GGA2: variants seen among roughly 807,000 people sequenced by gnomAD.
GGA2 encodes the protein golgi associated, gamma adaptin ear containing, ARF binding protein 2.
A neutral mutation model predicts 79.5 loss-of-function variants in GGA2; 48 were observed. The observed-to-expected ratio is 0.60, with a 90% CI of 0.48 to 0.77. The LOEUF is 0.77. GGA2 is among the 30% of genes least tolerant of loss of function. The probability of loss-of-function intolerance (pLI) is 0.00; values close to 1 mark genes in which losing one functional copy is unlikely to be tolerated. For missense variants in GGA2, 770 were observed against 774.0 expected (o/e 0.99, Z 0.06); for synonymous variants, 317 against 302.0 (o/e 1.05, Z -0.51).
At chr16:23,523,134 C>G, upstream of GGA2, 1 of 152,254 alleles carries the variant, frequency 6.6e-6, no homozygotes, top group Admixed American at 6.5e-5. Flanking sequence ...AGGAACCACA[C>G]AAGGGTGTGA....
upstream of GGA2, among the ~76,000 whole-genome samples, chr16:23,514,309 T>A (rs942741093): frequency 6.6e-6 from 1 of 152,084 alleles, no homozygotes; most frequent in African/African-American, 2.4e-5. Context: ...GATTTCACCA[T>A]GTTGGCCAAG....
intron 15 of GGA2, 69 bp from the exon 16 acceptor site, chr16:23,469,065 G>A: frequency 2.0e-6 from 2 of 996,626 alleles, no homozygotes; most frequent in South Asian, 2.6e-5. Flanking sequence ...GATCAGGTGA[G>A]GGGGAGCTGG....
At chr16:23,474,435 G>A (rs1964550964) in intron 14 of GGA2, among the ~76,000 whole-genome samples, 1 of 151,856 alleles carries the variant, frequency 6.6e-6, no homozygotes, top group South Asian at 2.1e-4. Flanking sequence ...TTGGCTCACT[G>A]CAACCTCCAC....
Position 23,480,666 on chromosome 16 carries a change from C to T in GGA2, c.985G>A (p.Gly329Arg). Residue 329 changes from glycine (G) to arginine (R), a missense_variant, in exon 10 of 17, where the codon GGA (glycine) becomes AGA (arginine). By Grantham distance (125) the Gly-to-Arg change is moderately radical. Coordinates refer to ENST00000309859, the MANE Select transcript of GGA2 (RefSeq NM_015044.4). ...ATACCTCTGGAGACAGGGATGTCTC[C>T]CAATGAGCTGGTCACTCTGTTTCCA... The part of the protein sequence containing the change: ...TFGNRVTSSL[G>R]DIPVSRVFQN... 6.2e-7 allele frequency: 1 copy of T among 1,613,408 alleles called. No individual in the cohort carries two copies. The highest frequency in any genetic ancestry group is 8.5e-7 in the Non-Finnish European group (1 of 1,179,366).
rs1284417046 is a variant in GGA2 at position 23,463,631 on chromosome 16, T to G, written c.*3959A>C. 3 of 152,216 alleles carry G rather than the reference T, an allele frequency of 2.0e-5. No homozygotes were observed. The highest frequency in any genetic ancestry group is 7.2e-5 in the African/African-American group (3 of 41,442). The allele number at this position is 152,216 out of a possible 1,614,324, so 9.4% of individuals were successfully genotyped here. A position where few individuals can be genotyped will look rare whatever the true frequency, so the allele number is the denominator to read the frequency against. On this transcript the variant is annotated 3_prime_UTR_variant, in exon 17 of 17. Coordinates refer to ENST00000309859, the MANE Select transcript of GGA2 (RefSeq NM_015044.4). ...ATCTATAATTCCCTGACCCAAAGATTACCACTGTCAGATGTGCACACAAAC... is the reference window on the plus strand; with the variant it reads ...ATCTATAATTCCCTGACCCAAAGATGACCACTGTCAGATGTGCACACAAAC...
intron 13 of GGA2, 152 bp from the exon 14 acceptor site, chr16:23,475,213 A>G: frequency 2.0e-6 from 1 of 494,788 alleles, no homozygotes; most frequent in Non-Finnish European, 3.5e-6. Context: ...TTTTTGATAC[A>G]GTATCTCGCT....
rs1237086850 is a variant in GGA2, at chr16:23,490,415, A to C, written c.475+1262T>G. Among the ~76,000 whole-genome samples the C allele has an allele frequency of 3.9e-5, 6 of 152,196 alleles. No homozygotes were observed. The East Asian group carries it at 7.7e-4, about 20-fold the overall frequency. ...CAAAATATCACATTGTACTCCAATA[A>C]ATGTGTATAAGTATGTGTCAATTAA... On this transcript the variant is annotated intron_variant, in intron 5 of 16. Transcript: ENST00000309859.
At chr16:23,472,244 A>C (rs1245912346) in intron 14 of GGA2, among the ~76,000 whole-genome samples, 1 of 119,436 alleles carries the variant, frequency 8.4e-6, no homozygotes, top group Non-Finnish European at 1.6e-5. Context: ...CCCAGGCTGG[A>C]GTGCAGTGGC....
At chr16:23,485,662 G>A (rs1042891125) in intron 8 of GGA2, among the ~76,000 whole-genome samples, 1 of 152,172 alleles carries the variant, frequency 6.6e-6, no homozygotes, top group Non-Finnish European at 1.5e-5. Flanking sequence ...CAGGTGACGG[G>A]ACAGTACCCG....
chr16:23,465,194 C>G lies in GGA2; in HGVS notation c.*2396G>C. On this transcript the variant is annotated 3_prime_UTR_variant, in exon 17 of 17. Coordinates refer to ENST00000309859, the MANE Select transcript of GGA2 (RefSeq NM_015044.4). The stretch of plus-strand genomic sequence containing the variant: ...AGAGACACGGTCTCACTATGTAGCC[C>G]AGGCTGGACTTGAAATCCTGGGCTC... 1.6e-6 allele frequency: 1 copy of G among 625,412 alleles called. No homozygotes were observed. Among genetic ancestry groups the G allele is most frequent in the Non-Finnish European group, 2.9e-6 (1 of 348,872 alleles). The allele number at this position is 625,412 out of a possible 1,614,324, so 38.7% of individuals were successfully genotyped here. A position where few individuals can be genotyped will look rare whatever the true frequency, so the allele number is the denominator to read the frequency against.
At chr16:23,512,700 CTTTTTTTTTTTTTTTTTTT>C (rs34027000), upstream of GGA2, among the ~76,000 whole-genome samples, 2 of 55,926 alleles carry the variant, frequency 3.6e-5, no homozygotes, top group Non-Finnish European at 6.1e-5. Flanking sequence ...TAAAGAAAAT[CTTTTTTTTTTTTTTTTTTT>C]TTTTTTTTTG....
chr16:23,488,199 C>A (rs1004873586), intron 6 of GGA2, among the ~76,000 whole-genome samples: 1 of 152,156 alleles, frequency 6.6e-6, no homozygotes, highest in African/African-American at 2.4e-5. Context: ...CATGACCCAT[C>A]CATCACCCAC....
chr16:23,487,785 G>C (rs530624110), intron 6 of GGA2, among the ~76,000 whole-genome samples: 3 of 152,242 alleles, frequency 2.0e-5, no homozygotes, highest in African/African-American at 7.2e-5. Context: ...TCTAACAACA[G>C]GGACCTGATG....
At chr16:23,494,697 G>GGCTGTGATAAATAC (rs1474488556) in intron 2 of GGA2, among the ~76,000 whole-genome samples, 1 of 152,216 alleles carries the variant, frequency 6.6e-6, no homozygotes, top group Non-Finnish European at 1.5e-5. Context: ...GGCCCTGTAT[G>GGCTGTGATAAATAC]GCTGTGATAA....
chr16:23,481,217 A>G (rs1964643607), intron 9 of GGA2, among the ~76,000 whole-genome samples: 1 of 152,120 alleles, frequency 6.6e-6, no homozygotes, highest in African/African-American at 2.4e-5. Flanking sequence ...AGTTTCTACT[A>G]AAAATACAAA....
In GGA2 at chr16:23,488,683, G is replaced by T; in HGVS notation, c.502C>A (p.Pro168Thr). 6.3e-7 allele frequency: 1 copy of T among 1,599,814 alleles called. No individual in the cohort carries two copies. The highest frequency in any genetic ancestry group is 8.6e-7 in the Non-Finnish European group (1 of 1,167,260). ...QGIIKQDPKLPVDKILPPPSP... is the reference protein window; with the variant it reads ...QGIIKQDPKLTVDKILPPPSP... Reference sequence around the variant, plus strand: ...GGTGGGGGTAAGATTTTATCCACTGGTAGTTTAGGGTCTTGTTTTATAATT... The same window carrying T: ...GGTGGGGGTAAGATTTTATCCACTGTTAGTTTAGGGTCTTGTTTTATAATT... Residue 168 changes from proline (P) to threonine (T), a missense_variant, in exon 6 of 17, where the codon CCA becomes ACA. By Grantham distance (38) the Pro-to-Thr change is conservative. Transcript: ENST00000309859.
chr16:23,491,580 A>C, intron 5 of GGA2, 97 bp downstream of exon 5: 1 of 1,057,180 alleles, frequency 9.5e-7, no homozygotes, highest in East Asian at 2.5e-5. Flanking sequence ...CCTACATAAG[A>C]AGTACAGCTT....
chr16:23,479,775 C>T lies in GGA2; in HGVS notation c.1119G>A (p.Leu373=). 1 of 1,614,068 alleles carries T rather than the reference C, an allele frequency of 6.2e-7. No homozygotes were observed. Among genetic ancestry groups the T allele is most frequent in the African/African-American group, 1.3e-5 (1 of 75,062 alleles). Residue 373 remains leucine (L), a synonymous_variant, in exon 11 of 17, where the codon CTG becomes CTA. Coordinates refer to ENST00000309859, the MANE Select transcript of GGA2 (RefSeq NM_015044.4). ...AGCACCTGCCCTCACCCAAGGCTGC[C>T]AGGTCCTGATGAAGCAAAGATGGCA... ...TVVPSLLHQD[L]AALGISDAPV... is the part of the protein sequence containing the mutation.
intron 6 of GGA2, among the ~76,000 whole-genome samples, chr16:23,487,000 T>TTTTTGG (rs1964723101): frequency 6.6e-6 from 1 of 150,646 alleles, no homozygotes; most frequent in Non-Finnish European, 1.5e-5. Context: ...TTTTTTTTTT[T>TTTTTGG]GAGACGGGGT....
Sources: gnomAD v4.1 joint callset for allele counts (sites outside exome capture counted in the v4.1 genomes callset) on GRCh38, gnomAD v4.1.1 for gene constraint, MANE v1.5 for transcripts, NCBI Gene and HGNC (gene_info 2026-07-23, HGNC 2026-07-21) for gene names.